The following SEMA6A variants were observed in gnomAD, a reference collection of about 807,000 sequenced individuals.
SEMA6A encodes the protein semaphorin 6A.
In SEMA6A, 25 loss-of-function variants were observed where a neutral mutation model predicts 96.8. That is an observed-to-expected ratio of 0.26 (90% CI 0.19 to 0.36). The LOEUF (loss-of-function observed/expected upper bound fraction) is 0.36. Ranked by LOEUF, SEMA6A falls within the 10% of genes least tolerant of loss-of-function variation. The pLI is 1.00. For synonymous variants in SEMA6A, 612 were observed against 518.0 expected, an observed-to-expected ratio of 1.18 and a Z score of -2.46; for missense variants, 1,363 against 1,323.1, an observed-to-expected ratio of 1.03 and a Z score of -0.47.
chr5:116,480,380 G>T, intron 11 of SEMA6A, 103 bp from the exon 12 acceptor site: 1 of 1,371,272 alleles, frequency 7.3e-7, no homozygotes, highest in Non-Finnish European at 1.0e-6. Context: ...GGAGGAGAAT[G>T]TACTGCAGCC....
chr5:116,470,099 A>T (rs910939264), intron 17 of SEMA6A, among the ~76,000 whole-genome samples: 4 of 152,190 alleles, frequency 2.6e-5, no homozygotes, highest in African/African-American at 9.7e-5. Context: ...AGAGAAAGCA[A>T]TACCTGACTC....
At chr5:116,531,533 G>A (rs1302552600) in intron 1 of SEMA6A, among the ~76,000 whole-genome samples, 2 of 152,104 alleles carry the variant, frequency 1.3e-5, no homozygotes, top group Admixed American at 6.6e-5. Flanking sequence ...AAATTTTGAC[G>A]CTAGGTGTCC....
intron 1 of SEMA6A, chr5:116,562,708 A>G (rs1411322153): frequency 1.4e-6 from 1 of 731,316 alleles, no homozygotes. Context: ...TTTCTGGCAA[A>G]GAAACCCTCT....
In SEMA6A at chr5:116,480,386, C is replaced by T; in HGVS notation, c.1095-109G>A. On this transcript the variant is annotated intron_variant, in intron 11 of 18. Transcript: ENST00000343348. ...ATCTGGAATGGAGGAGAATGTACTG[C>T]AGCCTGAGAGGAGGAAGTTGAACAA... is the stretch of plus-strand genomic sequence containing the variant. 5.3e-6 allele frequency: 7 copies of T among 1,324,826 alleles called. No homozygotes were observed. The South Asian group carries it at 6.6e-5, about 12-fold the overall frequency. The allele number at this position is 1,324,826 out of a possible 1,614,324, so 82.1% of individuals were successfully genotyped here. A position where few individuals can be genotyped will look rare whatever the true frequency, so the allele number is the denominator to read the frequency against.
chr5:116,526,611 G>A (rs1290981296), intron 1 of SEMA6A, among the ~76,000 whole-genome samples: 1 of 152,092 alleles, frequency 6.6e-6, no homozygotes, highest in African/African-American at 2.4e-5. Flanking sequence ...AAAGAAAAAC[G>A]CTATAGATTT....
At chr5:116,562,937 G>T in intron 1 of SEMA6A, 1 of 581,128 alleles carries the variant, frequency 1.7e-6, no homozygotes, top group East Asian at 3.9e-5. Flanking sequence ...ATGAAGATGG[G>T]GTGGATAGAG....
At chr5:116,573,643 C>G (rs912892871) in intron 1 of SEMA6A, among the ~76,000 whole-genome samples, 1 of 151,696 alleles carries the variant, frequency 6.6e-6, no homozygotes, top group Non-Finnish European at 1.5e-5. Context: ...AGACCCCACA[C>G]TGACAACAAA....
intron 18 of SEMA6A, among the ~76,000 whole-genome samples, chr5:116,454,183 G>C (rs922804665): frequency 6.6e-6 from 1 of 152,160 alleles, no homozygotes; most frequent in Non-Finnish European, 1.5e-5. Context: ...GTGTCCTTTA[G>C]AGAAATATGC....
At chr5:116,467,785 A>G in intron 17 of SEMA6A, 38 bp from the exon 18 acceptor site, 1 of 1,607,906 alleles carries the variant, frequency 6.2e-7, no homozygotes, top group Non-Finnish European at 8.5e-7. Flanking sequence ...AAACATCACC[A>G]GAGAGACCCA....
At chr5:116,515,868 G>T (rs17139996) in intron 1 of SEMA6A, among the ~76,000 whole-genome samples, 10,961 of 152,124 alleles carry the variant, frequency 0.072, 451 homozygotes, top group Admixed American at 0.11. Flanking sequence ...CCTGCAAGTC[G>T]CTCCGTTGAG....
Position 116,548,182 on chromosome 5 carries a change from C to G in SEMA6A, c.-39+26003G>C, listed in dbSNP as rs1214653816. ...ATAATGCCTTCGCCTTCCTTGACGGCTTTCTTCTCTTGACTTGAGATTTGA... is the reference window on the plus strand; with the variant it reads ...ATAATGCCTTCGCCTTCCTTGACGGGTTTCTTCTCTTGACTTGAGATTTGA... On this transcript the variant is annotated intron_variant, in intron 1 of 18. Coordinates refer to ENST00000343348, the MANE Select transcript of SEMA6A (RefSeq NM_020796.5). 2.0e-5 allele frequency among the ~76,000 whole-genome samples: 3 copies of G among 152,184 alleles called. No individual in the cohort carries two copies. The East Asian group carries it at 5.8e-4, about 29-fold the overall frequency.
At chr5:116,514,769 C>T (rs1758589295) in intron 1 of SEMA6A, among the ~76,000 whole-genome samples, 1 of 152,168 alleles carries the variant, frequency 6.6e-6, no homozygotes, top group African/African-American at 2.4e-5. Flanking sequence ...GCCTGATTTC[C>T]ATCTTACCAA....
rs562142839 is a variant in SEMA6A at position 116,497,360 on chromosome 5, G to A, written c.246C>T (p.Asp82=). 7 of 1,599,670 alleles carry A rather than the reference G, an allele frequency of 4.4e-6. No individual in the cohort carries two copies. In the South Asian group the frequency reaches 4.4e-5, roughly 10 times the overall value. ...ARDHIYTVDI[D]TSHTEEIYCS... ...AATAAATTTCTTCCGTGTGTGATGT[G>A]TCTATATCAACAGTATAAATATGGT... The change falls in exon 4 of 19, where the codon GAC becomes GAT. Residue 82 remains aspartate (D), a synonymous_variant. Coordinates refer to ENST00000343348, the MANE Select transcript of SEMA6A (RefSeq NM_020796.5).
At chr5:116,461,505 T>C (rs1020279992) in intron 18 of SEMA6A, among the ~76,000 whole-genome samples, 2 of 152,138 alleles carry the variant, frequency 1.3e-5, no homozygotes, top group Admixed American at 6.6e-5. Flanking sequence ...AATAAAAGCC[T>C]GAGTTTGCCA....
rs182078377 is a variant in SEMA6A, at chr5:116,508,027, A to G, written c.-38-3045T>C. On this transcript the variant is annotated intron_variant, in intron 1 of 18. Transcript: ENST00000343348. ...TTTCTACACCCAAATTTTTTTTCAC[A>G]ATAATTTTTCCCTACAGTTTTTAAG... 6.6e-5 allele frequency: 10 copies of G among 152,170 alleles called. No homozygotes were observed. The East Asian group carries it at 1.9e-3, about 29-fold the overall frequency. The allele number at this position is 152,170 out of a possible 1,614,324, so 9.4% of individuals were successfully genotyped here.
intron 1 of SEMA6A, among the ~76,000 whole-genome samples, chr5:116,526,597 T>C (rs1759237979): frequency 6.6e-6 from 1 of 152,180 alleles, no homozygotes; most frequent in African/African-American, 2.4e-5. Context: ...ATACGTCGTA[T>C]AAGAAAGAAA....
At chr5:116,455,150 G>C (rs1357915609) in intron 18 of SEMA6A, among the ~76,000 whole-genome samples, 4 of 152,186 alleles carry the variant, frequency 2.6e-5, no homozygotes, top group South Asian at 2.1e-4. Context: ...AGAAGAAACA[G>C]CTTCATTTTT....
chr5:116,488,744 G>C, intron 8 of SEMA6A, 144 bp downstream of exon 8: 1 of 1,072,546 alleles, frequency 9.3e-7, no homozygotes, highest in Non-Finnish European at 1.3e-6. Context: ...ATCAGTTGAA[G>C]CCAAAGATGC....
In SEMA6A at chr5:116,502,245, A is replaced by C; in HGVS notation, c.183T>G (p.Ile61Met). ...TGTAGAGGGTTCCGTTCATGATCAT[A>C]ATCATCTGGATGTCCAGCCTGTGCC... ...TQRHRLDIQM[I>M]MIMNGTLYIA... The change falls in exon 3 of 19, where the codon ATT becomes ATG. Residue 61 changes from isoleucine (I) to methionine (M), a missense_variant. Ile to Met is a conservative substitution (Grantham distance 10). Transcript: ENST00000343348. The C allele has an allele frequency of 6.2e-7, 1 of 1,613,934 alleles. No homozygotes were observed. Among genetic ancestry groups the C allele is most frequent in the Non-Finnish European group, 8.5e-7 (1 of 1,179,860 alleles).
Sources: gnomAD v4.1 joint callset for allele counts (sites outside exome capture counted in the v4.1 genomes callset) on GRCh38, gnomAD v4.1.1 for gene constraint, MANE v1.5 for transcripts, NCBI Gene and HGNC (gene_info 2026-07-23, HGNC 2026-07-21) for gene names.